The following CBLN1 variants were observed in gnomAD, a reference collection of about 807,000 sequenced individuals.
CBLN1 encodes cerebellin-1.
CBLN1 carries 5 observed loss-of-function variants against 15.9 expected under a neutral mutation model. The observed-to-expected ratio is 0.31, with a 90% CI of 0.16 to 0.66. The LOEUF (loss-of-function observed/expected upper bound fraction) is 0.66, where lower values mean the gene tolerates loss of function less well. CBLN1 is among the 30% of genes least tolerant of loss of function. CBLN1 has a pLI of 0.75. For synonymous variants in CBLN1, 90 were observed against 107.6 expected, an observed-to-expected ratio of 0.84 and a Z score of 1.01; for missense variants, 164 against 253.7, an observed-to-expected ratio of 0.65 and a Z score of 2.40.
chr16:49,279,726 T>TGGGGGGGGGGGGGGGGGGGG, intron 2 of CBLN1, 125 bp from the exon 3 acceptor site: 1 of 208,792 alleles, frequency 4.8e-6, no homozygotes, highest in Non-Finnish European at 9.1e-6. Flanking sequence ...AGGTGGGGGG[T>TGGGGGGGGGGGGGGGGGGGG]GGGGGGGGCG....
In CBLN1 at chr16:49,281,567, C is replaced by T; in HGVS notation, c.-102G>A. 1.3e-6 allele frequency: 1 copy of T among 757,756 alleles called. No individual in the cohort carries two copies. The highest frequency in any genetic ancestry group is 1.8e-6 in the Non-Finnish European group (1 of 541,670). 46.9% of individuals were successfully genotyped at this position (757,756 alleles called of 1,614,324 possible). ...CCGAAGCCCCCTCCTCAGCTCCGTG[C>T]GCAGCTCCGCCGCCGCCGCTCTGGA... is the stretch of plus-strand genomic sequence containing the variant. On this transcript the variant is annotated 5_prime_UTR_variant, in exon 1 of 3. Transcript: ENST00000219197.
At position 49,281,736 on chromosome 16, in the gene CBLN1, G is replaced by C. The variant is rs1184408961; in HGVS notation, c.-271C>G. ...CTTGGATGCATAGCCGCTGCTGCTC[G>C]GTCCCGCTGCTGCCGCCGCCTCCTG... On this transcript the variant is annotated 5_prime_UTR_variant, in exon 1 of 3. Transcript: ENST00000219197. 4 of 349,706 alleles carry C rather than the reference G, an allele frequency of 1.1e-5. No homozygotes were observed. Among genetic ancestry groups the C allele is most frequent in the East Asian group, 4.4e-5 (1 of 22,856 alleles). The allele number at this position is 349,706 out of a possible 1,614,324, so 21.7% of individuals were successfully genotyped here.
At chr16:49,281,127 G>T in intron 1 of CBLN1, 75 bp downstream of exon 1, 2 of 1,613,836 alleles carry the variant, frequency 1.2e-6, no homozygotes, top group Non-Finnish European at 1.7e-6. Flanking sequence ...CCTTGGAGAG[G>T]ACCGGGCATC....
chr16:49,279,342 CT>C lies in CBLN1; in HGVS notation c.*61del. On this transcript the variant is annotated 3_prime_UTR_variant, in exon 3 of 3. Transcript: ENST00000219197. The stretch of plus-strand genomic sequence containing the variant: ...GCTTTCTCGCCCTCTTAATTTCAGC[CT>C]CTTTCTCACTCCCCTTCCTGCCTTC... 1 of 1,481,748 alleles carries C rather than the reference CT, an allele frequency of 6.7e-7. No homozygotes were observed. Among genetic ancestry groups the C allele is most frequent in the Non-Finnish European group, 9.4e-7 (1 of 1,062,678 alleles). 91.8% of individuals were successfully genotyped at this position (1,481,748 alleles called of 1,614,324 possible).
rs1963233121 is a variant in CBLN1, at chr16:49,279,327, C to T, written c.*77G>A. The T allele has an allele frequency of 1.5e-6, 2 of 1,351,000 alleles. No homozygotes were observed. Among genetic ancestry groups the T allele is most frequent in the Admixed American group, 1.7e-5 (1 of 57,628 alleles). The allele number at this position is 1,351,000 out of a possible 1,614,324, so 83.7% of individuals were successfully genotyped here. On this transcript the variant is annotated 3_prime_UTR_variant, in exon 3 of 3. Coordinates refer to ENST00000219197, the MANE Select transcript of CBLN1 (RefSeq NM_004352.4). Reference sequence around the variant, plus strand: ...GTTTCAAGTCGTGCTGCTTTCTCGCCCTCTTAATTTCAGCCTCTTTCTCAC... The same window carrying T: ...GTTTCAAGTCGTGCTGCTTTCTCGCTCTCTTAATTTCAGCCTCTTTCTCAC...
rs78201168 is a variant in CBLN1, at chr16:49,279,298, G to A, written c.*106C>T. 2,788 of 1,004,262 alleles carry A rather than the reference G, an allele frequency of 2.8e-3. 48 individuals carry two copies. The African/African-American group carries it at 0.039, about 14-fold the overall frequency. 62.2% of individuals were successfully genotyped at this position (1,004,262 alleles called of 1,614,324 possible). On this transcript the variant is annotated 3_prime_UTR_variant, in exon 3 of 3. Coordinates refer to ENST00000219197, the MANE Select transcript of CBLN1 (RefSeq NM_004352.4). ...CCCAGATACAGTTAGAGAACATGTA[G>A]GAAGTTTCAAGTCGTGCTGCTTTCT... is the stretch of plus-strand genomic sequence containing the variant.
rs1186107531 is a variant in CBLN1, at chr16:49,281,144, C to A, written c.264+58G>T. 3 of 1,613,954 alleles carry A rather than the reference C, an allele frequency of 1.9e-6. No homozygotes were observed. The Admixed American group carries it at 5.0e-5, about 27-fold the overall frequency. ...TTGGAGAGGACCGGGCATCGGTCTTCCATCCATCCCTCCTTCACCAGCCCA... is the reference window on the plus strand; with the variant it reads ...TTGGAGAGGACCGGGCATCGGTCTTACATCCATCCCTCCTTCACCAGCCCA... On this transcript the variant is annotated intron_variant, in intron 1 of 2. Coordinates refer to ENST00000219197, the MANE Select transcript of CBLN1 (RefSeq NM_004352.4).
chr16:49,281,187 G>A lies in CBLN1; in HGVS notation c.264+15C>T, dbSNP rs1410530080. ...CCAGCCCAATCTGCACGCCGCGGGA[G>A]GAAGGAACACTCACCTGGTCGAAGT... On this transcript the variant is annotated intron_variant, in intron 1 of 2. Coordinates refer to ENST00000219197, the MANE Select transcript of CBLN1 (RefSeq NM_004352.4). 3.1e-6 allele frequency: 5 copies of A among 1,614,188 alleles called. 1 individual carries two copies. In the South Asian group the frequency reaches 4.4e-5, roughly 14 times the overall value.
In CBLN1 at chr16:49,279,575, C is replaced by A; in HGVS notation, c.411G>T (p.Pro137=). 6.2e-7 allele frequency: 1 copy of A among 1,614,216 alleles called. No individual in the cohort carries two copies. The highest frequency in any genetic ancestry group is 8.5e-7 in the Non-Finnish European group (1 of 1,180,044). The change falls in exon 3 of 3, where the codon CCG becomes CCT. Residue 137 remains proline (P), a synonymous_variant. Transcript: ENST00000219197. ...IQVSLMLNGW[P]VISAFAGDQD... is the part of the protein sequence containing the mutation. Reference sequence around the variant, plus strand: ...GGTCACCAGCGAAGGCTGAAATCACCGGCCACCCGTTTAGCATGAGGCTCA... The same window carrying A: ...GGTCACCAGCGAAGGCTGAAATCACAGGCCACCCGTTTAGCATGAGGCTCA...
chr16:49,279,359 T>C lies in CBLN1; in HGVS notation c.*45A>G. 6.3e-7 allele frequency: 1 copy of C among 1,576,478 alleles called. No individual in the cohort carries two copies. The highest frequency in any genetic ancestry group is 8.7e-7 in the Non-Finnish European group (1 of 1,146,164). On this transcript the variant is annotated 3_prime_UTR_variant, in exon 3 of 3. Transcript: ENST00000219197. ...ATTTCAGCCTCTTTCTCACTCCCCT[T>C]CCTGCCTTCGCCCTCTCCCTGCCTC...
At chr16:49,279,786 G>GAT (rs1963239809) in intron 2 of CBLN1, among the ~76,000 whole-genome samples, 185 bp from the exon 3 acceptor site, 1 of 152,166 alleles carries the variant, frequency 6.6e-6, no homozygotes, top group Non-Finnish European at 1.5e-5. Flanking sequence ...CCAGTGGGGC[G>GAT]AAAGACCACA....
At position 49,281,540 on chromosome 16, in the gene CBLN1, C is replaced by T; in HGVS notation, c.-75G>A. ...AGCCGCCCCCCCCGTCCCAGTCCCGCTCCGAAGCCCCCTCCTCAGCTCCGT... is the reference window on the plus strand; with the variant it reads ...AGCCGCCCCCCCCGTCCCAGTCCCGTTCCGAAGCCCCCTCCTCAGCTCCGT... On this transcript the variant is annotated 5_prime_UTR_variant, in exon 1 of 3. Transcript: ENST00000219197. The T allele has an allele frequency of 1.9e-6, 2 of 1,069,660 alleles. No individual in the cohort carries two copies. The highest frequency in any genetic ancestry group is 2.5e-6 in the Non-Finnish European group (2 of 815,636). 66.3% of individuals were successfully genotyped at this position (1,069,660 alleles called of 1,614,324 possible). A position where few individuals can be genotyped will look rare whatever the true frequency, so the allele number is the denominator to read the frequency against.
intron 2 of CBLN1, 31 bp downstream of exon 2, chr16:49,280,892 G>A: frequency 2.5e-6 from 4 of 1,613,948 alleles, no homozygotes; most frequent in Non-Finnish European, 3.4e-6. Flanking sequence ...CCCCCTACGG[G>A]GCCAGGGCCC....
At position 49,278,276 on chromosome 16, in the gene CBLN1, G is replaced by T. The variant is rs1963219444; in HGVS notation, c.*1128C>A. ...TGGGCCGGCGGCCGCGCCTGGCCTA[G>T]CAAGATTTCGGCCACATTTCTTACG... On this transcript the variant is annotated 3_prime_UTR_variant, in exon 3 of 3. Transcript: ENST00000219197. 1 of 152,316 alleles carries T rather than the reference G, an allele frequency of 6.6e-6. No homozygotes were observed. Among genetic ancestry groups the T allele is most frequent in the African/African-American group, 2.4e-5 (1 of 41,480 alleles). The allele number at this position is 152,316 out of a possible 1,614,324, so 9.4% of individuals were successfully genotyped here. A position where few individuals can be genotyped will look rare whatever the true frequency, so the allele number is the denominator to read the frequency against.
In CBLN1 at chr16:49,279,175, T is replaced by G; in HGVS notation, c.*229A>C. On this transcript the variant is annotated 3_prime_UTR_variant, in exon 3 of 3. Transcript: ENST00000219197. ...TGCAACTGGAATGGGGGAGGCGAGT[T>G]TATTTTTGGAAATGGGAGTGCGCAG... is the stretch of plus-strand genomic sequence containing the variant. 1.8e-6 allele frequency: 1 copy of G among 543,964 alleles called. No individual in the cohort carries two copies. Among genetic ancestry groups the G allele is most frequent in the East Asian group, 3.1e-5 (1 of 32,078 alleles). The allele number at this position is 543,964 out of a possible 1,614,324, so 33.7% of individuals were successfully genotyped here.
chr16:49,280,888 A>ACGGGGC, intron 2 of CBLN1, 35 bp downstream of exon 2: 1 of 1,613,614 alleles, frequency 6.2e-7, no homozygotes, highest in Non-Finnish European at 8.5e-7. Flanking sequence ...TAACCCCCCT[A>ACGGGGC]CGGGGCCAGG....
chr16:49,280,210 T>G (rs557354796), intron 2 of CBLN1, among the ~76,000 whole-genome samples: 48 of 152,126 alleles, frequency 3.2e-4, no homozygotes, highest in Non-Finnish European at 6.2e-4. Context: ...CACCGCCTGG[T>G]TTTGCCCCTG....
In CBLN1 at chr16:49,280,925, G is replaced by A. The variant is rs772201897; in HGVS notation, c.382C>T (p.Gln128Ter). 1 of 1,614,252 alleles carries A rather than the reference G, an allele frequency of 6.2e-7. No individual in the cohort carries two copies. Among genetic ancestry groups the A allele is most frequent in the Non-Finnish European group, 8.5e-7 (1 of 1,180,042 alleles). The change falls in exon 2 of 3, where the codon CAG becomes TAG. Residue 128 changes from glutamine (Q) to a stop codon, truncating the protein, a stop_gained and splice_region_variant. Coordinates refer to ENST00000219197, the MANE Select transcript of CBLN1 (RefSeq NM_004352.4). LOFTEE classifies it high-confidence loss of function. ...VVKVYNRQTI[Q>*]VSLMLNGWPV... The stretch of plus-strand genomic sequence containing the variant: ...CCCGGCACGAGGCGTCGGCTGACCT[G>A]TATGGTTTGTCTGTTGTAGACTTTT...
In CBLN1 at chr16:49,280,986, C is replaced by G; in HGVS notation, c.321G>C (p.Pro107=). ...AGTTAAAACTGTAGATCCCTTTGCG[C>G]GGGGCGATGAAAGTGCTGCGTTCTG... ...FDSERSTFIA[P]RKGIYSFNFH... The change falls in exon 2 of 3, where the codon CCG becomes CCC. Residue 107 remains proline (P), a synonymous_variant. Coordinates refer to ENST00000219197, the MANE Select transcript of CBLN1 (RefSeq NM_004352.4). 6.2e-7 allele frequency: 1 copy of G among 1,614,180 alleles called. No homozygotes were observed. Among genetic ancestry groups the G allele is most frequent in the Non-Finnish European group, 8.5e-7 (1 of 1,180,030 alleles).
Sources: allele counts gnomAD v4.1 joint callset (sites outside exome capture counted in the v4.1 genomes callset), GRCh38; gene constraint gnomAD v4.1.1; transcripts MANE v1.5; gene names NCBI Gene and HGNC (gene_info 2026-07-23, HGNC 2026-07-21).